DYNC1I1: variants seen among roughly 807,000 people sequenced by gnomAD.
DYNC1I1 encodes the protein dynein cytoplasmic 1 intermediate chain 1.
In DYNC1I1, 43 loss-of-function variants were observed where a neutral mutation model predicts 86.6. The ratio of observed to expected loss-of-function variants is 0.50; its 90% CI spans 0.39 to 0.64. The LOEUF (loss-of-function observed/expected upper bound fraction) is 0.64, where lower values mean the gene tolerates loss of function less well. Ranked by LOEUF, DYNC1I1 falls within the 30% of genes least tolerant of loss-of-function variation. The pLI is 0.00. For missense variants in DYNC1I1, 604 were observed against 788.8 expected (o/e 0.77, Z 2.81); for synonymous variants, 262 against 283.7 (o/e 0.92, Z 0.77).
chr7:95,846,669 CGAA>C (rs1789441707), intron 5 of DYNC1I1, among the ~76,000 whole-genome samples: 1 of 129,370 alleles, frequency 7.7e-6, no homozygotes, highest in Non-Finnish European at 1.6e-5. Flanking sequence ...GTGTGTGTGA[CGAA>C]GGGGGCCACA....
At chr7:96,030,331 TG>T (rs1273747876) in intron 11 of DYNC1I1, among the ~76,000 whole-genome samples, 50 of 24,426 alleles carry the variant, frequency 2.0e-3, no homozygotes, top group African/African-American at 0.012. Context: ...ATGGTAGAGT[TG>T]TGTGTGTGTG....
At chr7:95,787,704 G>A (rs1477623797) in intron 1 of DYNC1I1, among the ~76,000 whole-genome samples, 1 of 152,096 alleles carries the variant, frequency 6.6e-6, no homozygotes, top group Admixed American at 6.5e-5. Context: ...TGCCTTCATT[G>A]GAGGTTAACG....
chr7:95,978,464 C>G (rs1397807242), intron 7 of DYNC1I1, among the ~76,000 whole-genome samples: 1 of 152,186 alleles, frequency 6.6e-6, no homozygotes, highest in Non-Finnish European at 1.5e-5. Context: ...CCCATGGAGA[C>G]AGAAGAGAAT....
At chr7:95,798,685 C>T (rs1371372495) in intron 1 of DYNC1I1, among the ~76,000 whole-genome samples, 1 of 152,152 alleles carries the variant, frequency 6.6e-6, no homozygotes. Flanking sequence ...AATGGAATCC[C>T]AAACGGCTGC....
At chr7:95,933,098 G>T (rs1791945132) in intron 6 of DYNC1I1, among the ~76,000 whole-genome samples, 1 of 151,938 alleles carries the variant, frequency 6.6e-6, no homozygotes, top group Non-Finnish European at 1.5e-5. Context: ...GCCCAGGCTG[G>T]TCTCAAAATC....
chr7:96,076,218 C>T, intron 15 of DYNC1I1, 21 bp downstream of exon 15: 7 of 1,612,874 alleles, frequency 4.3e-6, no homozygotes, highest in Non-Finnish European at 5.9e-6. Context: ...GCTCAGGCGC[C>T]CGGGCCGGAG....
At position 95,913,975 on chromosome 7, in the gene DYNC1I1, C is replaced by T. The variant is rs141559068; in HGVS notation, c.490+43977C>T. 1.2e-3 allele frequency among the ~76,000 whole-genome samples: 190 copies of T among 152,300 alleles called. 1 individual carries two copies. Among genetic ancestry groups the T allele is most frequent in the African/African-American group, 4.4e-3 (183 of 41,566 alleles). On this transcript the variant is annotated intron_variant, in intron 6 of 16. Coordinates refer to ENST00000447467, the MANE Select transcript of DYNC1I1 (RefSeq NM_001135556.2). Reference sequence around the variant, plus strand: ...CCTTAGTGGCACACCAGGTGAGAAGCTCTGATCTTGGGCAGAATTGTGCAT... The same window carrying T: ...CCTTAGTGGCACACCAGGTGAGAAGTTCTGATCTTGGGCAGAATTGTGCAT...
intron 6 of DYNC1I1, among the ~76,000 whole-genome samples, chr7:95,941,802 G>A (rs1792231572): frequency 6.6e-6 from 1 of 152,120 alleles, no homozygotes; most frequent in South Asian, 2.1e-4. Context: ...ACAGTGCACT[G>A]CACCCACTGT....
At chr7:95,943,134 A>G (rs1212481463) in intron 6 of DYNC1I1, among the ~76,000 whole-genome samples, 1 of 148,074 alleles carries the variant, frequency 6.8e-6, no homozygotes, top group Non-Finnish European at 1.5e-5. Flanking sequence ...CCATTGTCTC[A>G]GCCCAAAATC....
chr7:95,881,010 A>G (rs17487265), intron 6 of DYNC1I1, among the ~76,000 whole-genome samples: 59,443 of 151,906 alleles, frequency 0.39, 12,056 homozygotes, highest in African/African-American at 0.49. Flanking sequence ...CTATTTATTT[A>G]GTCCTCTTAA....
intron 5 of DYNC1I1, among the ~76,000 whole-genome samples, chr7:95,852,698 G>A (rs982317078): frequency 6.6e-6 from 1 of 151,974 alleles, no homozygotes; most frequent in African/African-American, 2.4e-5. Context: ...GTAGAGATGG[G>A]GTTTCACCAT....
intron 6 of DYNC1I1, among the ~76,000 whole-genome samples, chr7:95,926,477 C>T (rs1004102137): frequency 1.3e-5 from 2 of 152,060 alleles, no homozygotes; most frequent in Admixed American, 1.3e-4. Flanking sequence ...ATAGAAAAGA[C>T]TGAAATGGTT....
intron 4 of DYNC1I1, among the ~76,000 whole-genome samples, chr7:95,821,969 A>G (rs1795085675): frequency 6.6e-6 from 1 of 152,200 alleles, no homozygotes; most frequent in East Asian, 1.9e-4. Flanking sequence ...GGTAAGAACA[A>G]AAACACTCTT....
At chr7:95,816,292 G>T (rs1048637495) in intron 4 of DYNC1I1, among the ~76,000 whole-genome samples, 2 of 152,338 alleles carry the variant, frequency 1.3e-5, no homozygotes, top group Non-Finnish European at 2.9e-5. Flanking sequence ...AAAGTGCTGG[G>T]ATTATAGGCG....
intron 5 of DYNC1I1, 90 bp downstream of exon 5, chr7:95,828,206 C>G: frequency 6.9e-7 from 1 of 1,442,764 alleles, no homozygotes; most frequent in Non-Finnish European, 9.7e-7. Context: ...TTGTGTTCTC[C>G]CCTTTTGTTG....
chr7:95,850,440 C>T (rs2706879), intron 5 of DYNC1I1, among the ~76,000 whole-genome samples: 77,593 of 151,902 alleles, frequency 0.51, 21,862 homozygotes, highest in Middle Eastern at 0.65. Flanking sequence ...GCCAACTGCT[C>T]TTTTTGCATC....
intron 5 of DYNC1I1, 114 bp downstream of exon 5, chr7:95,828,230 A>C (rs1795245484): frequency 1.3e-5 from 16 of 1,195,242 alleles, no homozygotes; most frequent in Non-Finnish European, 2.0e-5. Context: ...TTCCAGTTTG[A>C]TAAGTTCGTT....
At chr7:95,803,592 A>G (rs1794633603) in intron 1 of DYNC1I1, among the ~76,000 whole-genome samples, 2 of 152,202 alleles carry the variant, frequency 1.3e-5, no homozygotes, top group Admixed American at 1.3e-4. Context: ...TCTGGGGACA[A>G]CGACAAAAAA....
At chr7:95,999,618 C>T (rs892934156) in intron 10 of DYNC1I1, among the ~76,000 whole-genome samples, 1 of 152,120 alleles carries the variant, frequency 6.6e-6, no homozygotes, top group Non-Finnish European at 1.5e-5. Context: ...TTCTGTATGA[C>T]GTTCCTGCTA....
Sources: allele counts gnomAD v4.1 joint callset (sites outside exome capture counted in the v4.1 genomes callset), GRCh38; gene constraint gnomAD v4.1.1; transcripts MANE v1.5; gene names NCBI Gene and HGNC (gene_info 2026-07-23, HGNC 2026-07-21).